The following SRR variants were observed in gnomAD, a reference collection of about 807,000 sequenced individuals.
SRR encodes the protein serine racemase, also known as D-serine ammonia-lyase.
In SRR, 19 loss-of-function variants were observed where a neutral mutation model predicts 32.7. That is an observed-to-expected ratio of 0.58 (90% CI 0.40 to 0.85). SRR has a LOEUF of 0.85. Ranked by LOEUF, SRR falls within the 40% of genes least tolerant of loss-of-function variation. The probability of loss-of-function intolerance (pLI) is 0.00; values close to 1 mark genes in which losing one functional copy is unlikely to be tolerated. For missense variants in SRR, 373 were observed against 404.7 expected (o/e 0.92, Z 0.67); for synonymous variants, 142 against 140.9 (o/e 1.01, Z -0.06).
chr17:2,321,701 C>A, intron 6 of SRR, 85 bp downstream of exon 6: 1 of 1,218,426 alleles, frequency 8.2e-7, no homozygotes, highest in Admixed American at 1.8e-5. Flanking sequence ...GCTCAACATT[C>A]TGCACACATT....
At chr17:2,322,507 C>CT (rs1041200207) in intron 6 of SRR, 308 of 146,538 alleles carry the variant, frequency 2.1e-3, no homozygotes, top group Non-Finnish European at 3.3e-3. Flanking sequence ...TGCCTATTTT[C>CT]TTTTTTTTTT....
intron 2 of SRR, among the ~76,000 whole-genome samples, chr17:2,317,312 C>T (rs768475019): frequency 8.7e-5 from 13 of 149,996 alleles, no homozygotes; most frequent in Non-Finnish European, 1.9e-4. Flanking sequence ...AAGATCGAGA[C>T]CATCCTGGCT....
chr17:2,323,346 GT>G lies in SRR; in HGVS notation c.804+2del. ...CACTGTCACAGAGGATGAAATTAAG[GT>G]GAGGCTCCAGCAAGAAAAGAAATAG... is the stretch of plus-strand genomic sequence containing the variant. On this transcript the variant is annotated splice_donor_variant, in intron 7 of 7. Transcript: ENST00000344595. LOFTEE classifies it high-confidence loss of function. 6.2e-7 allele frequency: 1 copy of G among 1,613,916 alleles called. No individual in the cohort carries two copies. The highest frequency in any genetic ancestry group is 1.1e-5 in the South Asian group (1 of 91,046).
intron 2 of SRR, 79 bp downstream of exon 2, chr17:2,315,807 A>G: frequency 7.4e-7 from 1 of 1,356,372 alleles, no homozygotes; most frequent in African/African-American, 1.4e-5. Context: ...TGACCACCCA[A>G]TGAGATAGGC....
chr17:2,322,435 A>AT (rs1247772570), intron 6 of SRR: 3 of 152,246 alleles, frequency 2.0e-5, no homozygotes. Flanking sequence ...GTGCTTGAAG[A>AT]TATTTTCATT....
At chr17:2,318,284 A>G (rs1459964550) in intron 3 of SRR, among the ~76,000 whole-genome samples, 1 of 151,292 alleles carries the variant, frequency 6.6e-6, no homozygotes, top group African/African-American at 2.4e-5. Flanking sequence ...AGCTGGGACT[A>G]CAGGTGCGCA....
Position 2,307,674 on chromosome 17 carries a change from G to A in SRR, c.-5+3657G>A, listed in dbSNP as rs543885722. On this transcript the variant is annotated intron_variant, in intron 1 of 7. Coordinates refer to ENST00000344595, the MANE Select transcript of SRR (RefSeq NM_021947.3). The stretch of plus-strand genomic sequence containing the variant: ...ACCACGAAACCAAGGTGGCTATGGC[G>A]GTTCCAGTAGCAGCAGTAGCTATGG... 5.4e-4 allele frequency: 532 copies of A among 981,944 alleles called. 8 individuals are homozygous for A. In the South Asian group the frequency reaches 5.5e-3, roughly 10 times the overall value. 60.8% of individuals were successfully genotyped at this position (981,944 alleles called of 1,614,324 possible).
Position 2,324,033 on chromosome 17 carries a change from A to G in SRR, c.*160A>G, listed in dbSNP as rs1403426120. 2.5e-6 allele frequency: 3 copies of G among 1,194,616 alleles called. No homozygotes were observed. Among genetic ancestry groups the G allele is most frequent in the Non-Finnish European group, 3.5e-6 (3 of 856,148 alleles). The allele number at this position is 1,194,616 out of a possible 1,614,324, so 74.0% of individuals were successfully genotyped here. ...TGGACTAAGTAGTGGAAAAACTTTT[A>G]TACTTAACTGAGACATTTTGTCAAG... is the stretch of plus-strand genomic sequence containing the variant. On this transcript the variant is annotated 3_prime_UTR_variant, in exon 8 of 8. Coordinates refer to ENST00000344595, the MANE Select transcript of SRR (RefSeq NM_021947.3).
chr17:2,321,003 C>T (rs1597268749), intron 4 of SRR, among the ~76,000 whole-genome samples: 2 of 152,248 alleles, frequency 1.3e-5, no homozygotes, highest in Admixed American at 6.5e-5. Flanking sequence ...TAGACATCCA[C>T]AGCACTTGTT....
intron 1 of SRR, among the ~76,000 whole-genome samples, chr17:2,314,411 G>A (rs555417490): frequency 1.1e-4 from 17 of 152,086 alleles, no homozygotes; most frequent in African/African-American, 3.4e-4. Flanking sequence ...GTGAAACCCC[G>A]TCTTTACTAA....
upstream of SRR, chr17:2,303,821 C>T (rs971657160): frequency 2.8e-5 from 27 of 961,994 alleles, no homozygotes; most frequent in African/African-American, 4.0e-4. Context: ...ACCTCCCGGC[C>T]TTTCCCCGCC....
At position 2,324,523 on chromosome 17, in the gene SRR, T is replaced by C; in HGVS notation, c.*650T>C. 1 of 1,614,204 alleles carries C rather than the reference T, an allele frequency of 6.2e-7. No individual in the cohort carries two copies. The highest frequency in any genetic ancestry group is 8.5e-7 in the Non-Finnish European group (1 of 1,180,038). ...CCTTACCTAAAGGTTCCTTGATATG[T>C]CCTCTCCGGCCCCACTTCGTTCTCA... On this transcript the variant is annotated 3_prime_UTR_variant, in exon 8 of 8. Transcript: ENST00000344595.
chr17:2,309,592 T>C (rs1384795980), intron 1 of SRR, among the ~76,000 whole-genome samples: 3 of 152,220 alleles, frequency 2.0e-5, no homozygotes, highest in Non-Finnish European at 4.4e-5. Flanking sequence ...CCTCCCTCCT[T>C]AGGTATTCAC....
rs748097779 is a variant in SRR, at chr17:2,323,908, T to G, written c.*35T>G. ...AAGGAAATGGTGGGAATTCAGTGTCTTTAGATACTGAAGACATTTTGTTTC... is the reference window on the plus strand; with the variant it reads ...AAGGAAATGGTGGGAATTCAGTGTCGTTAGATACTGAAGACATTTTGTTTC... On this transcript the variant is annotated 3_prime_UTR_variant, in exon 8 of 8. Transcript: ENST00000344595. 1 of 1,571,750 alleles carries G rather than the reference T, an allele frequency of 6.4e-7. No homozygotes were observed. The highest frequency in any genetic ancestry group is 8.7e-7 in the Non-Finnish European group (1 of 1,144,386).
At chr17:2,321,462 A>T in intron 5 of SRR, 37 bp downstream of exon 5, 1 of 1,612,338 alleles carries the variant, frequency 6.2e-7, no homozygotes, top group Non-Finnish European at 8.5e-7. Context: ...AGCTACTGGT[A>T]AAGCTGTTGG....
chr17:2,311,793 A>G (rs1369713970), intron 1 of SRR, among the ~76,000 whole-genome samples: 1 of 152,250 alleles, frequency 6.6e-6, no homozygotes, highest in African/African-American at 2.4e-5. Context: ...AATACAGTAT[A>G]TAATAGGAAA....
intron 1 of SRR, among the ~76,000 whole-genome samples, chr17:2,308,971 A>G (rs2075414420): frequency 7.2e-5 from 11 of 151,818 alleles, no homozygotes; most frequent in Admixed American, 5.9e-4. Context: ...ACAAAACATT[A>G]GCCAGGTGTG....
intron 4 of SRR, among the ~76,000 whole-genome samples, chr17:2,320,974 C>T (rs1050203672): frequency 6.6e-6 from 1 of 152,206 alleles, no homozygotes; most frequent in Non-Finnish European, 1.5e-5. Context: ...TGCACTGTTA[C>T]CCCCTCTCTG....
At chr17:2,306,923 G>T in intron 1 of SRR, 1 of 1,045,714 alleles carries the variant, frequency 9.6e-7, no homozygotes, top group East Asian at 2.4e-5. Context: ...AAGCACTCCA[G>T]GGGCTTTGGA....
Sources: allele counts gnomAD v4.1 joint callset (sites outside exome capture counted in the v4.1 genomes callset), GRCh38; gene constraint gnomAD v4.1.1; transcripts MANE v1.5; gene names NCBI Gene and HGNC (gene_info 2026-07-23, HGNC 2026-07-21).